The following AFF2 variants were observed in gnomAD, a reference collection of about 807,000 sequenced individuals.
The protein encoded by AFF2 is ALF transcription elongation factor 2.
Under a neutral mutation model 76.9 loss-of-function variants are expected in AFF2, and 14 were observed. The ratio of observed to expected loss-of-function variants is 0.18; its 90% confidence interval spans 0.12 to 0.28. The LOEUF (loss-of-function observed/expected upper bound fraction) is 0.28, where lower values mean the gene tolerates loss of function less well. AFF2 is among the 10% of genes least tolerant of loss of function. AFF2 has a pLI of 1.00. For missense variants in AFF2, 868 were observed against 1,001.1 expected (o/e 0.87, Z 1.79); for synonymous variants, 398 against 366.7 (o/e 1.09, Z -0.98).
chrX:148,885,957 C>T lies in AFF2; in HGVS notation c.1331C>T (p.Thr444Ile), dbSNP rs1557279049. The change falls in exon 8 of 21, where the codon ACT becomes ATT. Residue 444 changes from threonine to isoleucine, a missense_variant. By Grantham distance (89) the Thr-to-Ile change is moderately conservative. Around this residue, in one of 6 missense-constraint regions of AFF2, gnomAD observed 532 missense variants for 564.2 expected, o/e 0.94. Transcript: ENST00000370460. The stretch of plus-strand genomic sequence containing the variant: ...CTTGAGCCTGTGAAGACCTTGACCA[C>T]TCAGTGCACTGCCACTGAGCTCTAC... ...DDLEPVKTLT[T>I]QCTATELYQA... 8.3e-7 allele frequency: 1 copy of T among 1,208,934 alleles called. No individual in the cohort carries two copies. The highest frequency in any genetic ancestry group is 3.0e-5 in the East Asian group (1 of 33,760).
intron 1 of AFF2, among the ~76,000 whole-genome samples, chrX:148,633,252 A>G (rs1002554616): frequency 8.9e-6 from 1 of 111,932 alleles, no homozygotes; most frequent in African/African-American, 3.2e-5. Context: ...TCATACACAA[A>G]GAGATTACCG....
intron 8 of AFF2, among the ~76,000 whole-genome samples, chrX:148,895,474 C>A (rs782561186): frequency 9.0e-6 from 1 of 111,283 alleles, no homozygotes; most frequent in South Asian, 3.8e-4. Flanking sequence ...TCTGCAATAA[C>A]ATCCTTTTGT....
chrX:148,783,550 T>A (rs781822173), intron 3 of AFF2, among the ~76,000 whole-genome samples: 31 of 111,801 alleles, frequency 2.8e-4, no homozygotes, highest in Non-Finnish European at 5.1e-4. Flanking sequence ...CCTTGCCCAC[T>A]TGTTCCTCTC....
intron 3 of AFF2, among the ~76,000 whole-genome samples, chrX:148,765,896 T>C (rs1248283590): frequency 3.7e-5 from 3 of 81,710 alleles, no homozygotes; most frequent in Non-Finnish European, 6.6e-5. Flanking sequence ...GATGTTCCCC[T>C]TCCTGTGTCC....
intron 3 of AFF2, among the ~76,000 whole-genome samples, chrX:148,756,496 A>G (rs1373657304): frequency 8.9e-6 from 1 of 112,313 alleles, no homozygotes; most frequent in Non-Finnish European, 1.9e-5. Context: ...TGTGTCCTTT[A>G]TAATCTGCAA....
intron 3 of AFF2, among the ~76,000 whole-genome samples, chrX:148,744,085 G>A (rs1268731757): frequency 4.5e-5 from 5 of 110,884 alleles, no homozygotes; most frequent in Non-Finnish European, 9.4e-5. Context: ...AAAGAAAGGT[G>A]TAATTAATGG....
chrX:148,500,935 C>G lies in AFF2; in HGVS notation c.-163C>G. The G allele has an allele frequency of 1.6e-6, 1 of 621,956 alleles. No homozygotes were observed. Among genetic ancestry groups the G allele is most frequent in the Non-Finnish European group, 2.3e-6 (1 of 427,844 alleles). The allele number at this position is 621,956 out of a possible 1,213,427, so 51.3% of individuals were successfully genotyped here. ...CGCCGGAGCACAGGACCAGACACCT[C>G]CAGCGCCCGCTGCTGCTGCCGATGC... On this transcript the variant is annotated 5_prime_UTR_variant, in exon 1 of 21. Transcript: ENST00000370460.
chrX:148,616,827 G>C, intron 1 of AFF2, among the ~76,000 whole-genome samples: 1 of 107,801 alleles, frequency 9.3e-6, no homozygotes, highest in Non-Finnish European at 1.9e-5. Flanking sequence ...TGCGGTGTTT[G>C]GTTTTTTGTC....
intron 15 of AFF2, among the ~76,000 whole-genome samples, chrX:148,970,365 C>T (rs1557289381): frequency 8.9e-6 from 1 of 112,005 alleles, no homozygotes; most frequent in Admixed American, 9.5e-5. Flanking sequence ...GAGACAGCTA[C>T]TCTGCCATTT....
At chrX:148,554,806 G>A (rs1448241897) in intron 1 of AFF2, among the ~76,000 whole-genome samples, 1 of 111,993 alleles carries the variant, frequency 8.9e-6, no homozygotes, top group Non-Finnish European at 1.9e-5. Flanking sequence ...GCCAGAACCG[G>A]GTCTGGCACA....
intron 19 of AFF2, among the ~76,000 whole-genome samples, chrX:148,983,968 A>AAAAAAAAAAAAAAAAAAT (rs1431816827): frequency 9.7e-6 from 1 of 103,450 alleles, no homozygotes; most frequent in Non-Finnish European, 2.0e-5. Flanking sequence ...AAAAAAAAAA[A>AAAAAAAAAAAAAAAAAAT]CTGCCCTCAT....
rs886516571 is a variant in AFF2, at chrX:148,994,214, C to G, written c.*2882C>G. 6 of 112,146 alleles carry G rather than the reference C, an allele frequency of 5.4e-5. No individual in the cohort carries two copies. The highest frequency in any genetic ancestry group is 2.0e-4 in the African/African-American group (6 of 30,742). The allele number at this position is 112,146 out of a possible 1,213,427, so 9.2% of individuals were successfully genotyped here. ...CTTGACCCAGGTAGGGCCACCACTA[C>G]GCCTTCACTTGTCACCCAAGCTCCA... is the stretch of plus-strand genomic sequence containing the variant. On this transcript the variant is annotated 3_prime_UTR_variant, in exon 21 of 21. Coordinates refer to ENST00000370460, the MANE Select transcript of AFF2 (RefSeq NM_002025.4).
chrX:148,535,763 T>C (rs1158427203), intron 1 of AFF2, among the ~76,000 whole-genome samples: 9 of 111,685 alleles, frequency 8.1e-5, no homozygotes, highest in African/African-American at 1.3e-4. Context: ...CTAACTGTCA[T>C]GGTGGTTCTC....
chrX:148,834,083 CT>C (rs1435674407), intron 4 of AFF2, among the ~76,000 whole-genome samples: 5 of 112,172 alleles, frequency 4.5e-5, no homozygotes, highest in Admixed American at 3.8e-4. Context: ...AAAATTGAGC[CT>C]TTTGTGATTT....
intron 3 of AFF2, among the ~76,000 whole-genome samples, chrX:148,785,459 G>A (rs782494825): frequency 9.9e-5 from 11 of 111,464 alleles, no homozygotes; most frequent in South Asian, 3.8e-4. Flanking sequence ...CACCCAGGTC[G>A]GCCTCATTTT....
chrX:148,929,993 C>A (rs2071694122), intron 9 of AFF2, among the ~76,000 whole-genome samples: 1 of 111,934 alleles, frequency 8.9e-6, no homozygotes, highest in African/African-American at 3.3e-5. Context: ...CTGAGCCATT[C>A]TGACACTGCT....
intron 1 of AFF2, among the ~76,000 whole-genome samples, chrX:148,592,164 G>A (rs2053528124): frequency 8.9e-6 from 1 of 111,873 alleles, no homozygotes. Context: ...TCAGGAGCCT[G>A]ATGACTCCAG....
At chrX:148,815,692 AAGTG>A (rs2070256992) in intron 4 of AFF2, among the ~76,000 whole-genome samples, 1 of 111,271 alleles carries the variant, frequency 9.0e-6, no homozygotes, top group South Asian at 3.8e-4. Flanking sequence ...GTCATTGGGA[AAGTG>A]AGTAATATGA....
At chrX:148,531,799 G>A (rs782763643) in intron 1 of AFF2, among the ~76,000 whole-genome samples, 7 of 112,261 alleles carry the variant, frequency 6.2e-5, no homozygotes, top group African/African-American at 9.7e-5. Context: ...AGCTACACAA[G>A]TCAGCTGGAT....
Sources: allele counts gnomAD v4.1 joint callset (sites outside exome capture counted in the v4.1 genomes callset), GRCh38; gene constraint gnomAD v4.1.1; regional missense constraint gnomAD v4.1.1; transcripts MANE v1.5; gene names NCBI Gene and HGNC (gene_info 2026-07-23, HGNC 2026-07-21).